Variants in PLXNA1 observed in about 807,000 individuals in gnomAD.
PLXNA1 encodes the protein plexin-A1.
Under a neutral mutation model 191.7 loss-of-function variants are expected in PLXNA1, and 77 were observed. The observed-to-expected ratio is 0.40, with a 90% CI of 0.33 to 0.49. The LOEUF (loss-of-function observed/expected upper bound fraction) is 0.49, where lower values mean the gene tolerates loss of function less well. Ranked by LOEUF, PLXNA1 falls within the 20% of genes least tolerant of loss-of-function variation. PLXNA1 has a pLI of 0.63. For missense variants in PLXNA1, 2,110 were observed against 2,660.2 expected, an observed-to-expected ratio of 0.79 and a Z score of 4.55; for synonymous variants, 1,137 against 1,156.4, an observed-to-expected ratio of 0.98 and a Z score of 0.34.
In PLXNA1 at chr3:126,989,618, C is replaced by T. The variant is rs1441949995; in HGVS notation, c.1025C>T (p.Ala342Val). Residue 342 changes from alanine to valine, a missense_variant, in exon 2 of 32, where the codon GCC (alanine) becomes GTC (valine). Ala to Val is a moderately conservative substitution (Grantham distance 64, BLOSUM62 0). Transcript: ENST00000393409. ...GAGGACGTGCTGTTCACTGTGTTCG[C>T]CCAGGGCCAGAAGAACCGCGTGAAG... ...EDEDVLFTVFAQGQKNRVKPP... is the reference protein window; with the variant it reads ...EDEDVLFTVFVQGQKNRVKPP... 6.2e-7 allele frequency: 1 copy of T among 1,613,156 alleles called. No individual in the cohort carries two copies. Among genetic ancestry groups the T allele is most frequent in the Admixed American group, 1.7e-5 (1 of 60,028 alleles).
At chr3:127,030,095 A>AC in intron 28 of PLXNA1, 31 bp downstream of exon 28, 1 of 1,605,322 alleles carries the variant, frequency 6.2e-7, no homozygotes. Flanking sequence ...GGGGCAGGGG[A>AC]CGCTGGGCCA....
chr3:126,988,451 A>G, intron 1 of PLXNA1, 70 bp from the exon 2 acceptor site: 1 of 793,614 alleles, frequency 1.3e-6, no homozygotes, highest in Non-Finnish European at 1.9e-6. Flanking sequence ...AAGGGCTCAC[A>G]CTGGGAGATC....
intron 23 of PLXNA1, 81 bp from the exon 24 acceptor site, chr3:127,027,859 G>A (rs755181717): frequency 1.9e-6 from 3 of 1,577,642 alleles, no homozygotes; most frequent in Non-Finnish European, 2.6e-6. Context: ...GAACACCATG[G>A]CTGGCACTCG....
At position 126,991,567 on chromosome 3, in the gene PLXNA1, G is replaced by A; in HGVS notation, c.1377+1G>A. On this transcript the variant is annotated splice_donor_variant, in intron 3 of 31. Transcript: ENST00000393409. LOFTEE classifies it high-confidence loss of function. ...CACGCGAAGTGGCCGCATCCGCAAG[G>A]TCAGGCCTGGGTGGGGTGGGGTGAG... 6.4e-7 allele frequency: 1 copy of A among 1,565,442 alleles called. No homozygotes were observed. The highest frequency in any genetic ancestry group is 8.7e-7 in the Non-Finnish European group (1 of 1,151,286).
At chr3:127,005,317 G>A in intron 7 of PLXNA1, 74 bp downstream of exon 7, 1 of 1,502,978 alleles carries the variant, frequency 6.7e-7, no homozygotes, top group South Asian at 1.3e-5. Context: ...CGCCTGTTTA[G>A]CGCCTCCCTT....
chr3:127,027,864 C>G, intron 23 of PLXNA1, 76 bp from the exon 24 acceptor site: 1 of 1,572,580 alleles, frequency 6.4e-7, no homozygotes, highest in South Asian at 1.1e-5. Context: ...CCATGGCTGG[C>G]ACTCGACGGG....
At chr3:127,029,363 C>A in intron 26 of PLXNA1, 77 bp from the exon 27 acceptor site, 2 of 1,393,464 alleles carry the variant, frequency 1.4e-6, no homozygotes, top group Non-Finnish European at 2.0e-6. Flanking sequence ...TCACCGGGGT[C>A]CCCAGCCGGG....
chr3:127,000,907 C>T (rs1250821815), intron 3 of PLXNA1, among the ~76,000 whole-genome samples: 1 of 152,232 alleles, frequency 6.6e-6, no homozygotes, highest in East Asian at 1.9e-4. Flanking sequence ...CCCGCTCACA[C>T]TGGCCATGCC....
At chr3:126,993,633 G>T (rs537031004) in intron 3 of PLXNA1, among the ~76,000 whole-genome samples, 1 of 152,324 alleles carries the variant, frequency 6.6e-6, no homozygotes, top group Admixed American at 6.5e-5. Flanking sequence ...AAACAAGTCT[G>T]GGCTGGGTGC....
At chr3:127,021,157 G>A (rs1273022573) in intron 21 of PLXNA1, among the ~76,000 whole-genome samples, 1 of 152,078 alleles carries the variant, frequency 6.6e-6, no homozygotes, top group Non-Finnish European at 1.5e-5. Context: ...CTGATACTGA[G>A]CAGACCTTCC....
rs1276303648 is a variant in PLXNA1 at position 126,988,923 on chromosome 3, T to C, written c.330T>C (p.Ser110=). 1 of 1,613,110 alleles carries C rather than the reference T, an allele frequency of 6.2e-7. No individual in the cohort carries two copies. The highest frequency in any genetic ancestry group is 8.5e-7 in the Non-Finnish European group (1 of 1,180,008). The change falls in exon 2 of 32, where the codon AGT becomes AGC. Residue 110 remains serine (S), a synonymous_variant. Transcript: ENST00000393409. ...AGTCCTGCCCCCACGGCCTGGGCAG[T>C]ACTGACAACGTCAACAAGCTGCTGC... ...SVQSCPHGLG[S]TDNVNKLLLL... is the part of the protein sequence containing the mutation.
chr3:126,993,196 C>T (rs2078999734), intron 3 of PLXNA1, among the ~76,000 whole-genome samples: 1 of 152,210 alleles, frequency 6.6e-6, no homozygotes, highest in African/African-American at 2.4e-5. Flanking sequence ...CCCAGTCCCA[C>T]AGAGGGAAAC....
chr3:127,016,481 C>T (rs552189409), intron 15 of PLXNA1, 36 bp from the exon 16 acceptor site: 28 of 1,605,884 alleles, frequency 1.7e-5, no homozygotes, highest in East Asian at 2.2e-5. Context: ...GGGTTCCACC[C>T]GTGTGCTCCT....
At position 127,035,651 on chromosome 3, in the gene PLXNA1, C is replaced by T. The variant is rs2107640926; in HGVS notation, c.*1634C>T. 1 of 152,652 alleles carries T rather than the reference C, an allele frequency of 6.6e-6. No individual in the cohort carries two copies. Among genetic ancestry groups the T allele is most frequent in the South Asian group, 2.1e-4 (1 of 4,816 alleles). The allele number at this position is 152,652 out of a possible 1,614,324, so 9.5% of individuals were successfully genotyped here. ...TGTAAAAGCAAACAAGCGGTCCATC[C>T]CCTTTTCAAGGTCACTTTTTTGATG... On this transcript the variant is annotated 3_prime_UTR_variant, in exon 32 of 32. Transcript: ENST00000393409.
chr3:126,995,869 G>C (rs891537359), intron 3 of PLXNA1, among the ~76,000 whole-genome samples: 3 of 152,214 alleles, frequency 2.0e-5, no homozygotes, highest in African/African-American at 7.2e-5. Context: ...CATACCCCAG[G>C]GAGGCTTGGG....
intron 4 of PLXNA1, 65 bp from the exon 5 acceptor site, chr3:127,004,546 G>A: frequency 1.8e-6 from 2 of 1,110,028 alleles, no homozygotes; most frequent in Non-Finnish European, 2.7e-6. Context: ...TAGGGAGTCA[G>A]AGGTGAGGAT....
intron 3 of PLXNA1, among the ~76,000 whole-genome samples, chr3:126,994,302 TC>T (rs1253312514): frequency 2.6e-5 from 4 of 152,120 alleles, no homozygotes; most frequent in African/African-American, 9.7e-5. Context: ...TGTGTTACAG[TC>T]CAAGACCCTG....
chr3:126,991,596 G>C, intron 3 of PLXNA1, 30 bp downstream of exon 3: 3 of 1,532,038 alleles, frequency 2.0e-6, no homozygotes, highest in Non-Finnish European at 2.6e-6. Flanking sequence ...GGGTGAGGAG[G>C]GGGCTTGGGG....
At chr3:127,005,038 TG>T in intron 6 of PLXNA1, 30 bp downstream of exon 6, 1 of 1,609,004 alleles carries the variant, frequency 6.2e-7, no homozygotes, top group Non-Finnish European at 8.5e-7. Flanking sequence ...TGGTAAGGGG[TG>T]GGGGACAGCC....
Sources: gnomAD v4.1 joint callset for allele counts (sites outside exome capture counted in the v4.1 genomes callset) on GRCh38, gnomAD v4.1.1 for gene constraint, MANE v1.5 for transcripts, NCBI Gene and HGNC (gene_info 2026-07-23, HGNC 2026-07-21) for gene names.